The following DPP6 variants were observed in gnomAD, a reference collection of about 807,000 sequenced individuals.
DPP6 encodes the protein dipeptidyl peptidase like 6, also known as A-type potassium channel modulatory protein DPP6.
A neutral mutation model predicts 122.6 loss-of-function variants in DPP6; 69 were observed. The observed-to-expected ratio is 0.56, with a 90% confidence interval of 0.46 to 0.69. DPP6 has a LOEUF of 0.69. DPP6 is among the 30% of genes least tolerant of loss of function. The probability of loss-of-function intolerance (pLI) is 0.00; values close to 1 mark genes in which losing one functional copy is unlikely to be tolerated. For missense variants in DPP6, 928 were observed against 1,116.9 expected (o/e 0.83, Z 2.41); for synonymous variants, 418 against 433.1 (o/e 0.97, Z 0.43).
chr7:154,715,178 T>C (rs550542576), intron 7 of DPP6, among the ~76,000 whole-genome samples: 23 of 152,316 alleles, frequency 1.5e-4, no homozygotes, highest in African/African-American at 5.5e-4. Context: ...GTGAATCTCC[T>C]GCCTTAGCCT....
chr7:154,888,277 C>A (rs182264721), intron 23 of DPP6, among the ~76,000 whole-genome samples: 19 of 152,060 alleles, frequency 1.2e-4, no homozygotes, highest in African/African-American at 4.6e-4. Flanking sequence ...TCAGTAGAGA[C>A]GGGGTTTCAC....
intron 1 of DPP6, among the ~76,000 whole-genome samples, chr7:154,105,691 G>A (rs1311243711): frequency 1.3e-5 from 2 of 152,158 alleles, no homozygotes; most frequent in Non-Finnish European, 2.9e-5. Context: ...GCTTACAAGA[G>A]CTGATGGTTT....
chr7:154,785,049 AC>A (rs1237975915), intron 10 of DPP6, among the ~76,000 whole-genome samples: 2 of 152,166 alleles, frequency 1.3e-5, no homozygotes, highest in African/African-American at 2.4e-5. Context: ...TCCACCGTGT[AC>A]CAGTGAGAGC....
At chr7:154,109,861 CAG>C (rs1463415953) in intron 1 of DPP6, among the ~76,000 whole-genome samples, 2 of 142,170 alleles carry the variant, frequency 1.4e-5, no homozygotes, top group African/African-American at 5.3e-5. Flanking sequence ...CTCCAGTACT[CAG>C]TGTCTTTAGT....
intron 1 of DPP6, among the ~76,000 whole-genome samples, chr7:154,321,262 G>A (rs897697547): frequency 6.6e-6 from 1 of 150,790 alleles, no homozygotes; most frequent in African/African-American, 2.5e-5. Context: ...AGGTGACAGA[G>A]CCAGACCCTG....
At chr7:154,549,150 G>A (rs11971454) in intron 4 of DPP6, among the ~76,000 whole-genome samples, 31,511 of 152,088 alleles carry the variant, frequency 0.21, 3,609 homozygotes, top group African/African-American at 0.31. Context: ...AAGCAGAAAT[G>A]ATGTAATAAA....
chr7:153,936,586 CACA>C (rs1801454642), intron 1 of DPP6, among the ~76,000 whole-genome samples: 1 of 151,914 alleles, frequency 6.6e-6, no homozygotes, highest in Non-Finnish European at 1.5e-5. Flanking sequence ...ACAGCCGGAT[CACA>C]AGGTCAGAAG....
intron 1 of DPP6, among the ~76,000 whole-genome samples, chr7:154,013,156 C>G (rs1350135222): frequency 6.6e-6 from 1 of 152,222 alleles, no homozygotes; most frequent in East Asian, 1.9e-4. Flanking sequence ...CATGCTTCCC[C>G]CTTCACCTCC....
chr7:154,827,199 G>GACAC (rs113467683), intron 16 of DPP6, among the ~76,000 whole-genome samples: 1 of 146,552 alleles, frequency 6.8e-6, no homozygotes, highest in Non-Finnish European at 1.5e-5. Context: ...CCCCCTCCCA[G>GACAC]ACACACACAC....
intron 1 of DPP6, among the ~76,000 whole-genome samples, chr7:154,297,177 C>T (rs1318763605): frequency 2.0e-5 from 3 of 149,256 alleles, no homozygotes; most frequent in Admixed American, 6.8e-5. Context: ...CCTACCTTTA[C>T]TTGACCTGCA....
intron 18 of DPP6, among the ~76,000 whole-genome samples, chr7:154,871,074 C>T (rs1291354584): frequency 2.0e-5 from 3 of 152,108 alleles, no homozygotes; most frequent in Non-Finnish European, 4.4e-5. Flanking sequence ...TCCTCCGCAG[C>T]CTTGGCGGCC....
chr7:154,872,533 C>T (rs1272605770), intron 18 of DPP6, 91 bp from the exon 19 acceptor site: 21 of 1,506,840 alleles, frequency 1.4e-5, no homozygotes, highest in Non-Finnish European at 1.7e-5. Context: ...CCACCCAGAG[C>T]ACCCTCACCC....
At chr7:153,855,062 G>T in the DPP6 span, among the ~76,000 whole-genome samples, 1 of 120,276 alleles carries the variant, frequency 8.3e-6, no homozygotes, top group Non-Finnish European at 1.7e-5. Context: ...CACAGGAAGG[G>T]GAATATCACA....
chr7:153,983,648 T>C (rs1262036509), intron 1 of DPP6, among the ~76,000 whole-genome samples: 2 of 151,634 alleles, frequency 1.3e-5, no homozygotes, highest in Non-Finnish European at 2.9e-5. Flanking sequence ...CACCCAGTTT[T>C]GTGCTTGAAA....
chr7:154,565,102 T>C (rs1396040745), intron 4 of DPP6, among the ~76,000 whole-genome samples: 2 of 152,216 alleles, frequency 1.3e-5, no homozygotes, highest in Admixed American at 6.5e-5. Flanking sequence ...TCATGGGTTG[T>C]TGGCCATGAG....
At chr7:154,080,595 G>A (rs1245479504) in intron 1 of DPP6, among the ~76,000 whole-genome samples, 1 of 152,060 alleles carries the variant, frequency 6.6e-6, no homozygotes, top group Non-Finnish European at 1.5e-5. Context: ...ATAAGCCTTG[G>A]GTCTGGGAGT....
intron 1 of DPP6, among the ~76,000 whole-genome samples, chr7:154,385,034 G>A (rs1051888143): frequency 7.2e-5 from 11 of 151,964 alleles, no homozygotes; most frequent in African/African-American, 2.4e-4. Flanking sequence ...GCAGTGGTGC[G>A]ATCTCGGCTC....
intron 17 of DPP6, among the ~76,000 whole-genome samples, chr7:154,862,904 G>A (rs139621931): frequency 1.2e-3 from 180 of 152,288 alleles, no homozygotes; most frequent in African/African-American, 4.1e-3. Flanking sequence ...CTCAACATTC[G>A]GAGTTCAGAG....
chr7:154,192,742 A>G (rs1294421050), intron 1 of DPP6, among the ~76,000 whole-genome samples: 3 of 152,268 alleles, frequency 2.0e-5, no homozygotes, highest in African/African-American at 7.2e-5. Context: ...GGTCTGTGGA[A>G]TAGAAATACG....
Sources: gnomAD v4.1 joint callset for allele counts (sites outside exome capture counted in the v4.1 genomes callset) on GRCh38, gnomAD v4.1.1 for gene constraint, MANE v1.5 for transcripts, NCBI Gene and HGNC (gene_info 2026-07-23, HGNC 2026-07-21) for gene names.